Variants in APLF observed in about 807,000 individuals in gnomAD.
APLF encodes aprataxin and PNK-like factor.
Under a neutral mutation model 55.6 loss-of-function variants are expected in APLF, and 61 were observed. The observed-to-expected ratio is 1.10, with a 90% CI of 0.89 to 1.36. APLF has a LOEUF of 1.36. Ranked by LOEUF, APLF falls within the 40% of genes most tolerant of loss-of-function variation. The probability of loss-of-function intolerance (pLI) is 0.00; values close to 1 mark genes in which losing one functional copy is unlikely to be tolerated. For missense variants in APLF, 611 were observed against 602.5 expected, an observed-to-expected ratio of 1.01 and a Z score of -0.15; for synonymous variants, 207 against 214.8, an observed-to-expected ratio of 0.96 and a Z score of 0.32.
rs1405583039 is a variant in APLF at position 68,511,494 on chromosome 2, T to G, written c.342-1586T>G. On this transcript the variant is annotated intron_variant, in intron 3 of 9. Transcript: ENST00000303795. ...GGTAACTATTAATAAAAATTACATA[T>G]GGACTATAGAGTGTATATGAATTCA... Among the ~76,000 whole-genome samples, 4 of 151,858 alleles carry G rather than the reference T, an allele frequency of 2.6e-5. No homozygotes were observed. In the East Asian group the frequency reaches 5.8e-4, roughly 22 times the overall value.
chr2:68,505,933 A>G (rs993887676), intron 3 of APLF, among the ~76,000 whole-genome samples: 1 of 151,832 alleles, frequency 6.6e-6, no homozygotes, highest in African/African-American at 2.4e-5. Flanking sequence ...CCCTCTAATC[A>G]TGATTGGTTT....
At chr2:68,503,064 G>A (rs1038493594) in intron 3 of APLF, among the ~76,000 whole-genome samples, 161 bp downstream of exon 3, 3 of 152,084 alleles carry the variant, frequency 2.0e-5, no homozygotes, top group African/African-American at 7.2e-5. Context: ...TTGCATGTGT[G>A]TGTGTTTTGT....
At chr2:68,491,977 A>G (rs968883458) in intron 2 of APLF, among the ~76,000 whole-genome samples, 1 of 152,248 alleles carries the variant, frequency 6.6e-6, no homozygotes, top group Admixed American at 6.5e-5. Context: ...AAATTTTTTT[A>G]TATCAAAAAT....
chr2:68,523,478 T>C (rs1669950003), intron 5 of APLF, among the ~76,000 whole-genome samples: 1 of 152,030 alleles, frequency 6.6e-6, no homozygotes, highest in Non-Finnish European at 1.5e-5. Context: ...CTTTTAGTCC[T>C]GTATATGTTT....
chr2:68,471,102 G>A (rs1390944211), intron 1 of APLF, among the ~76,000 whole-genome samples: 1 of 152,136 alleles, frequency 6.6e-6, no homozygotes, highest in Non-Finnish European at 1.5e-5. Context: ...CCAGTGCCTA[G>A]CACACAGTAG....
At chr2:68,501,827 ATCT>A (rs1558533656) in intron 2 of APLF, among the ~76,000 whole-genome samples, 2 of 152,148 alleles carry the variant, frequency 1.3e-5, no homozygotes, top group Admixed American at 6.5e-5. Context: ...TTTGATTAGA[ATCT>A]TCCTTCCTAT....
chr2:68,499,957 A>G (rs1676671952), intron 2 of APLF, among the ~76,000 whole-genome samples: 1 of 152,212 alleles, frequency 6.6e-6, no homozygotes, highest in African/African-American at 2.4e-5. Flanking sequence ...ATATTTACAA[A>G]TGTATTCCTA....
At chr2:68,494,556 A>G (rs967137847) in intron 2 of APLF, among the ~76,000 whole-genome samples, 2 of 151,820 alleles carry the variant, frequency 1.3e-5, no homozygotes, top group Non-Finnish European at 2.9e-5. Flanking sequence ...TACCTAGGTG[A>G]ATGTGTGCCA....
Position 68,538,148 on chromosome 2 carries a change from G to C in APLF, c.1081G>C (p.Ala361Pro). 2 of 1,614,058 alleles carry C rather than the reference G, an allele frequency of 1.2e-6. No homozygotes were observed. The highest frequency in any genetic ancestry group is 1.7e-6 in the Non-Finnish European group (2 of 1,179,968). The change falls in exon 7 of 10, where the codon GCA becomes CCA. Residue 361 changes from alanine to proline, a missense_variant. Ala to Pro is a conservative substitution (Grantham distance 27). Transcript: ENST00000303795. ...PSNPETLHAK[A>P]TDSVLQGSEG... ...CAATCCTGAAACTTTGCATGCAAAG[G>C]CAACTGATTCAGTTCTACAAGGTTC...
At chr2:68,497,628 T>C (rs374640734) in intron 2 of APLF, among the ~76,000 whole-genome samples, 266 of 151,982 alleles carry the variant, frequency 1.8e-3, no homozygotes, top group African/African-American at 6.1e-3. Flanking sequence ...GAAAACAGAC[T>C]AATACAGTGT....
chr2:68,576,991 G>T lies in APLF; in HGVS notation c.1334-829G>T, dbSNP rs6712860. On this transcript the variant is annotated intron_variant, in intron 9 of 9. Transcript: ENST00000303795. Reference sequence around the variant, plus strand: ...CTGTAGCTCGCTGTGGAAAGAGTAAGATCGGGGAAGAAATGAATTTGGAGA... The same window carrying T: ...CTGTAGCTCGCTGTGGAAAGAGTAATATCGGGGAAGAAATGAATTTGGAGA... 5.5e-3 allele frequency among the ~76,000 whole-genome samples: 838 copies of T among 152,222 alleles called. 5 individuals carry two copies. Among genetic ancestry groups the T allele is most frequent in the African/African-American group, 0.019 (800 of 41,536 alleles).
intron 1 of APLF, among the ~76,000 whole-genome samples, chr2:68,479,597 G>A (rs922279327): frequency 6.6e-6 from 1 of 152,232 alleles, no homozygotes; most frequent in African/African-American, 2.4e-5. Flanking sequence ...CACTGTGGCA[G>A]AAGGGTTACG....
At chr2:68,513,027 G>T in intron 3 of APLF, 53 bp from the exon 4 acceptor site, 2 of 1,510,550 alleles carry the variant, frequency 1.3e-6, no homozygotes, top group South Asian at 2.5e-5. Flanking sequence ...TTCTAAGGCA[G>T]CAGAAGTGTG....
chr2:68,520,034 A>C (rs551102518), intron 5 of APLF, among the ~76,000 whole-genome samples: 1 of 151,872 alleles, frequency 6.6e-6, no homozygotes, highest in African/African-American at 2.4e-5. Flanking sequence ...GTGATAATGC[A>C]CTGTGGTTTT....
chr2:68,573,615 G>C lies in APLF; in HGVS notation c.1334-4205G>C, dbSNP rs564667863. On this transcript the variant is annotated intron_variant, in intron 9 of 9. Transcript: ENST00000303795. Reference sequence around the variant, plus strand: ...TTGAACCCGGGAGACAGAGGTTGCAGTGAGCCGAGATTGTGCCATTGCACT... The same window carrying C: ...TTGAACCCGGGAGACAGAGGTTGCACTGAGCCGAGATTGTGCCATTGCACT... Among the ~76,000 whole-genome samples the C allele has an allele frequency of 7.3e-5, 11 of 150,812 alleles. No individual in the cohort carries two copies. In the East Asian group the frequency reaches 2.0e-3, roughly 27 times the overall value.
At chr2:68,527,930 C>G (rs989106120) in intron 6 of APLF, among the ~76,000 whole-genome samples, 3 of 150,522 alleles carry the variant, frequency 2.0e-5, no homozygotes, top group African/African-American at 7.3e-5. Context: ...TCCTCACTGC[C>G]CAGACGGGGC....
chr2:68,567,679 T>C (rs936548570), intron 9 of APLF, among the ~76,000 whole-genome samples: 27 of 152,088 alleles, frequency 1.8e-4, no homozygotes, highest in African/African-American at 4.8e-4. Flanking sequence ...GATAATTGAC[T>C]TCTGTAACTA....
At chr2:68,476,547 G>A (rs951736275) in intron 1 of APLF, among the ~76,000 whole-genome samples, 1 of 150,806 alleles carries the variant, frequency 6.6e-6, no homozygotes, top group Non-Finnish European at 1.5e-5. Flanking sequence ...TAAGCACTTC[G>A]AAGTCAATTA....
intron 8 of APLF, among the ~76,000 whole-genome samples, chr2:68,548,343 C>G (rs1311680884): frequency 6.6e-6 from 1 of 151,684 alleles, no homozygotes; most frequent in Non-Finnish European, 1.5e-5. Flanking sequence ...TATTTGCAAC[C>G]CACATAATTG....
Sources: allele counts gnomAD v4.1 joint callset (sites outside exome capture counted in the v4.1 genomes callset), GRCh38; gene constraint gnomAD v4.1.1; transcripts MANE v1.5; gene names NCBI Gene and HGNC (gene_info 2026-07-23, HGNC 2026-07-21).